The following RLF variants were observed in gnomAD, a reference collection of about 807,000 sequenced individuals.
The protein encoded by RLF is zinc finger protein Rlf.
In RLF, 7 loss-of-function variants were observed where a neutral mutation model predicts 162.9. That is an observed-to-expected ratio of 0.04 (90% CI 0.02 to 0.08). The LOEUF is 0.08. RLF is among the 10% of genes least tolerant of loss of function. The pLI is 1.00. For missense variants in RLF, 1,664 were observed against 2,244.7 expected (o/e 0.74, Z 5.23); for synonymous variants, 782 against 791.5 (o/e 0.99, Z 0.20).
chr1:40,177,062 A>G (rs893673257), intron 1 of RLF, among the ~76,000 whole-genome samples: 17 of 150,894 alleles, frequency 1.1e-4, no homozygotes, highest in African/African-American at 3.4e-4. Flanking sequence ...ACCTTGACTC[A>G]CTGCAACCTC....
rs372352896 is a variant in RLF at position 40,239,785 on chromosome 1, T to G, written c.5083T>G (p.Cys1695Gly). 14 of 1,614,006 alleles carry G rather than the reference T, an allele frequency of 8.7e-6. No individual in the cohort carries two copies. Among genetic ancestry groups the G allele is most frequent in the Non-Finnish European group, 1.0e-5 (12 of 1,180,016 alleles). Residue 1695 changes from cysteine to glycine, a missense_variant, in exon 8 of 8, where the codon TGT becomes GGT. Physicochemically the swap from Cys to Gly is radical, Grantham distance 159 (BLOSUM62 -3). Transcript: ENST00000372771. ...QCNIVQPPPP[C>G]KIENSIPNPN... Reference sequence around the variant, plus strand: ...TAATATAGTTCAGCCTCCTCCTCCTTGTAAAATAGAAAATTCCATACCTAA... The same window carrying G: ...TAATATAGTTCAGCCTCCTCCTCCTGGTAAAATAGAAAATTCCATACCTAA...
At chr1:40,223,668 T>C (rs1339280081) in intron 6 of RLF, among the ~76,000 whole-genome samples, 2 of 152,270 alleles carry the variant, frequency 1.3e-5, no homozygotes, top group Non-Finnish European at 2.9e-5. Context: ...TATGTTACTA[T>C]ATTTCTTTTT....
intron 4 of RLF, among the ~76,000 whole-genome samples, chr1:40,198,301 CT>C (rs34816285): frequency 0.78 from 96,876 of 123,812 alleles, 37,824 homozygotes; most frequent in Non-Finnish European, 0.82. Context: ...CGCCCGGCCT[CT>C]TTTTTTTTTT....
In RLF at chr1:40,236,377, T is replaced by C. The variant is rs368866285; in HGVS notation, c.1675T>C (p.Leu559=). The change falls in exon 8 of 8, where the codon TTA becomes CTA. Residue 559 remains leucine (L), a synonymous_variant. Coordinates refer to ENST00000372771, the MANE Select transcript of RLF (RefSeq NM_012421.4). The surrounding 1 kb of genome is among the most constrained non-coding windows in gnomAD (Gnocchi z 7.7). ...GCTTCAGTACAAGTTTTTCTGTTTG[T>C]TATGTAAGCGGGAATGTATAGAGGC... The part of the protein sequence containing the change: ...RWLQYKFFCL[L]CKRECIEARI... The C allele has an allele frequency of 3.7e-6, 6 of 1,613,926 alleles. No individual in the cohort carries two copies. The African/African-American group carries it at 8.0e-5, about 22-fold the overall frequency.
At chr1:40,216,991 A>G (rs144819588) in intron 5 of RLF, among the ~76,000 whole-genome samples, 7,352 of 151,934 alleles carry the variant, frequency 0.048, 577 homozygotes, top group African/African-American at 0.17. Flanking sequence ...GGAGGTTGCA[A>G]TGAGCTGAGA....
chr1:40,164,591 A>T (rs1325628275), intron 1 of RLF, among the ~76,000 whole-genome samples: 1 of 152,210 alleles, frequency 6.6e-6, no homozygotes, highest in Non-Finnish European at 1.5e-5. Flanking sequence ...TGTGGATAAG[A>T]TTAACTTTAG....
rs1643267967 is a variant in RLF at position 40,239,788 on chromosome 1, A to G, written c.5086A>G (p.Lys1696Glu). The G allele has an allele frequency of 6.2e-7, 1 of 1,614,046 alleles. No individual in the cohort carries two copies. The highest frequency in any genetic ancestry group is 1.3e-5 in the African/African-American group (1 of 74,926). ...TATAGTTCAGCCTCCTCCTCCTTGT[A>G]AAATAGAAAATTCCATACCTAATCC... ...CNIVQPPPPC[K>E]IENSIPNPNG... The change falls in exon 8 of 8, where the codon AAA (lysine) becomes GAA (glutamate). Residue 1696 changes from lysine (K) to glutamate (E), a missense_variant. Transcript: ENST00000372771.
At chr1:40,201,212 T>TAA (rs1642715605) in intron 4 of RLF, among the ~76,000 whole-genome samples, 1 of 151,682 alleles carries the variant, frequency 6.6e-6, no homozygotes, top group Non-Finnish European at 1.5e-5. Flanking sequence ...TGTTTTAGAT[T>TAA]AACCACCTAA....
chr1:40,165,498 G>C (rs770151995), intron 1 of RLF, among the ~76,000 whole-genome samples: 1 of 151,792 alleles, frequency 6.6e-6, no homozygotes, highest in Non-Finnish European at 1.5e-5. Context: ...TCTTCTTTAG[G>C]GCCCAGTATA....
In RLF at chr1:40,236,532, C is replaced by T; in HGVS notation, c.1830C>T (p.Ser610=). 1 of 1,613,922 alleles carries T rather than the reference C, an allele frequency of 6.2e-7. No homozygotes were observed. Among genetic ancestry groups the T allele is most frequent in the South Asian group, 1.1e-5 (1 of 91,060 alleles). ...TGGAGCATGTTAAAATGCCACCAAG[C>T]AGAAGGGACCGCTCTAAAAAGAAAT... ...HVMEHVKMPP[S]RRDRSKKKLL... The change falls in exon 8 of 8, where the codon AGC becomes AGT. Residue 610 remains serine (S), a synonymous_variant. Transcript: ENST00000372771. The surrounding 1 kb of genome is among the most constrained non-coding windows in gnomAD (Gnocchi z 7.7).
rs1322083779 is a variant in RLF, at chr1:40,240,879, T to C, written c.*432T>C. ...ATATATTGTACACTACAGCATCTTA[T>C]ATTTTTTGAGTTGAGTTTCAATAAA... On this transcript the variant is annotated 3_prime_UTR_variant, in exon 8 of 8. Transcript: ENST00000372771. 6.5e-6 allele frequency: 1 copy of C among 153,934 alleles called. No homozygotes were observed. Among genetic ancestry groups the C allele is most frequent in the Non-Finnish European group, 1.4e-5 (1 of 69,036 alleles). The allele number at this position is 153,934 out of a possible 1,614,324, so 9.5% of individuals were successfully genotyped here.
intron 6 of RLF, among the ~76,000 whole-genome samples, chr1:40,224,970 C>T (rs914469404): frequency 1.3e-5 from 2 of 151,472 alleles, no homozygotes; most frequent in African/African-American, 2.4e-5. Flanking sequence ...AGAGTGACTC[C>T]GTCTCAAAAA....
At chr1:40,167,626 C>G (rs1014746694) in intron 1 of RLF, among the ~76,000 whole-genome samples, 2 of 151,994 alleles carry the variant, frequency 1.3e-5, no homozygotes, top group Admixed American at 1.3e-4. Context: ...AGATACTTGT[C>G]ACCTTTCCCA....
Position 40,161,971 on chromosome 1 carries a change from C to T in RLF, c.237+335C>T, listed in dbSNP as rs1202186050. Among the ~76,000 whole-genome samples, 2 of 152,214 alleles carry T rather than the reference C, an allele frequency of 1.3e-5. No homozygotes were observed. Among genetic ancestry groups the T allele is most frequent in the African/African-American group, 2.4e-5 (1 of 41,444 alleles). On this transcript the variant is annotated intron_variant, in intron 1 of 7. Coordinates refer to ENST00000372771, the MANE Select transcript of RLF (RefSeq NM_012421.4). The surrounding 1 kb of genome is among the most constrained non-coding windows in gnomAD (Gnocchi z 4.4). ...GCCCCCTGAGGGATTGATTGCTTGT[C>T]CCTGCCGGGAGATCCTTTTTTGAGT...
intron 1 of RLF, among the ~76,000 whole-genome samples, chr1:40,164,131 A>G (rs1570507545): frequency 6.6e-6 from 1 of 152,236 alleles, no homozygotes; most frequent in South Asian, 2.1e-4. Flanking sequence ...CACATAATAT[A>G]TAAAGATAGA....
In RLF at chr1:40,161,474, A is replaced by T. The variant is rs1325438572; in HGVS notation, c.75A>T (p.Gly25=). The part of the protein sequence containing the change: ...GAEAPAVAGA[G]DGVETESMVR... Reference sequence around the variant, plus strand: ...AGGCTCCGGCGGTAGCGGGAGCCGGAGATGGAGTCGAGACTGAGTCCATGG... The same window carrying T: ...AGGCTCCGGCGGTAGCGGGAGCCGGTGATGGAGTCGAGACTGAGTCCATGG... Residue 25 remains glycine, a synonymous_variant, in exon 1 of 8, where the codon GGA becomes GGT. Coordinates refer to ENST00000372771, the MANE Select transcript of RLF (RefSeq NM_012421.4). This position sits in a 1 kb window ranked among gnomAD's most constrained non-coding sequence, Gnocchi z 4.4. 1.9e-6 allele frequency: 3 copies of T among 1,580,418 alleles called. No individual in the cohort carries two copies. The South Asian group carries it at 3.4e-5, about 18-fold the overall frequency.
chr1:40,225,878 C>CAAAAAAAA (rs71577617), intron 6 of RLF, among the ~76,000 whole-genome samples: 1 of 14,804 alleles, frequency 6.8e-5, no homozygotes, highest in Admixed American at 9.7e-4. Context: ...GACTCCGTCG[C>CAAAAAAAA]AAAAAAAAAA....
chr1:40,166,251 G>C (rs1314840398), intron 1 of RLF, among the ~76,000 whole-genome samples: 1 of 151,580 alleles, frequency 6.6e-6, no homozygotes, highest in Non-Finnish European at 1.5e-5. Context: ...GGGACTTCAT[G>C]ATACACACAT....
chr1:40,218,144 C>T (rs1367340769), intron 5 of RLF, among the ~76,000 whole-genome samples: 1 of 152,148 alleles, frequency 6.6e-6, no homozygotes, highest in Non-Finnish European at 1.5e-5. Flanking sequence ...TATCTGTTTT[C>T]CCCATAAAAC....
Sources: allele counts gnomAD v4.1 joint callset (sites outside exome capture counted in the v4.1 genomes callset), GRCh38; gene constraint gnomAD v4.1.1; non-coding constraint Gnocchi (gnomAD v3.1); transcripts MANE v1.5; gene names NCBI Gene and HGNC (gene_info 2026-07-23, HGNC 2026-07-21).